The following RPTOR variants were observed in gnomAD, a reference collection of about 807,000 sequenced individuals.
The protein encoded by RPTOR is regulatory-associated protein of mTOR.
Under a neutral mutation model 169.9 loss-of-function variants are expected in RPTOR, and 21 were observed. That is an observed-to-expected ratio of 0.12 (90% CI 0.09 to 0.18). The LOEUF (loss-of-function observed/expected upper bound fraction) is 0.18. Ranked by LOEUF, RPTOR falls within the 10% of genes least tolerant of loss-of-function variation. The pLI, the probability that RPTOR is intolerant of heterozygous loss-of-function variation, is 1.00. For missense variants in RPTOR, 1,133 were observed against 1,855.9 expected (o/e 0.61, Z 7.16); for synonymous variants, 732 against 753.2 (o/e 0.97, Z 0.46).
intron 1 of RPTOR, among the ~76,000 whole-genome samples, chr17:80,554,945 G>T (rs1321596342): frequency 6.6e-6 from 1 of 152,090 alleles, no homozygotes; most frequent in Non-Finnish European, 1.5e-5. Context: ...TAATAAGTTT[G>T]ATTTTTAAGT....
At chr17:80,916,747 C>T (rs1011890346) in intron 21 of RPTOR, among the ~76,000 whole-genome samples, 2 of 152,212 alleles carry the variant, frequency 1.3e-5, no homozygotes, top group Admixed American at 1.3e-4. Context: ...CACCTGTAAT[C>T]CCAGCACTTT....
chr17:80,846,185 T>TC (rs1598349750), intron 10 of RPTOR, among the ~76,000 whole-genome samples: 1 of 152,176 alleles, frequency 6.6e-6, no homozygotes, highest in East Asian at 1.9e-4. Context: ...CACAGCTGGT[T>TC]CCCAGCACGC....
intron 3 of RPTOR, among the ~76,000 whole-genome samples, chr17:80,694,528 T>G (rs369826792): frequency 6.6e-6 from 1 of 152,210 alleles, no homozygotes; most frequent in Non-Finnish European, 1.5e-5. Context: ...ATGTGTTGGT[T>G]CTGGTGACCA....
chr17:80,709,176 G>A (rs550577624), intron 4 of RPTOR: 6 of 703,458 alleles, frequency 8.5e-6, no homozygotes, highest in Non-Finnish European at 8.7e-6. Context: ...TGTGTATCTG[G>A]ATACCAGCTT....
intron 13 of RPTOR, among the ~76,000 whole-genome samples, chr17:80,859,084 G>A (rs971539589): frequency 5.3e-5 from 8 of 152,214 alleles, no homozygotes; most frequent in Non-Finnish European, 5.9e-5. Flanking sequence ...GACTCGGGCT[G>A]AAGCCTGTGT....
chr17:80,770,344 G>T (rs929551319), intron 6 of RPTOR, among the ~76,000 whole-genome samples: 2 of 152,202 alleles, frequency 1.3e-5, no homozygotes, highest in South Asian at 2.1e-4. Context: ...TAGGAGGGAC[G>T]TGCCTTCTCA....
In RPTOR at chr17:80,609,771, GGT is replaced by G. The variant is rs1010632864; in HGVS notation, c.163-15919_163-15918del. 2.3e-5 allele frequency among the ~76,000 whole-genome samples: 3 copies of G among 130,416 alleles called. No individual in the cohort carries two copies. Among genetic ancestry groups the G allele is most frequent in the African/African-American group, 9.2e-5 (3 of 32,752 alleles). 85.6% of individuals were successfully genotyped at this position (130,416 alleles called of 152,430 possible). On this transcript the variant is annotated intron_variant, in intron 1 of 33. Transcript: ENST00000306801. The surrounding 1 kb of genome is among the most constrained non-coding windows in gnomAD (Gnocchi z 4.8). ...AAAAAAAAAAAAAGTTTAAGGTGTT[GGT>G]TGTGTGTGTGTGTGTGTGTGTGTGT...
intron 5 of RPTOR, among the ~76,000 whole-genome samples, chr17:80,733,788 C>G (rs758374531): frequency 6.6e-6 from 1 of 152,258 alleles, no homozygotes; most frequent in Non-Finnish European, 1.5e-5. Context: ...GCGTCACTCA[C>G]GACGCCTTCT....
At chr17:80,634,387 G>GTGCGTGTGCGTACTA (rs1455920245) in intron 2 of RPTOR, among the ~76,000 whole-genome samples, 2 of 123,790 alleles carry the variant, frequency 1.6e-5, no homozygotes, top group African/African-American at 6.3e-5. Flanking sequence ...TGTGCATACT[G>GTGCGTGTGCGTACTA]TGTGCGTGTG....
At position 80,827,489 on chromosome 17, in the gene RPTOR, G is replaced by A. The variant is rs894429018; in HGVS notation, c.1136+4266G>A. Among the ~76,000 whole-genome samples the A allele has an allele frequency of 2.0e-5, 3 of 152,240 alleles. No individual in the cohort carries two copies. The South Asian group carries it at 6.2e-4, about 31-fold the overall frequency. On this transcript the variant is annotated intron_variant, in intron 9 of 33. Transcript: ENST00000306801. ...CTCCCACCACTCAGAGCCAGCGCAG[G>A]AGCCGGGTGCTGCATCCTCACCTAG...
chr17:80,846,083 C>T (rs2067726386), intron 10 of RPTOR, among the ~76,000 whole-genome samples: 1 of 152,256 alleles, frequency 6.6e-6, no homozygotes, highest in African/African-American at 2.4e-5. Flanking sequence ...TGTCCCCAGC[C>T]AGACTTGCCT....
intron 20 of RPTOR, among the ~76,000 whole-genome samples, chr17:80,904,136 G>A (rs776802631): frequency 1.4e-4 from 21 of 152,324 alleles, no homozygotes; most frequent in African/African-American, 2.9e-4. Context: ...GGCTCCGGCC[G>A]GCCCAGGAGG....
chr17:80,905,610 A>G (rs2068531663), intron 20 of RPTOR, among the ~76,000 whole-genome samples: 1 of 151,770 alleles, frequency 6.6e-6, no homozygotes, highest in Non-Finnish European at 1.5e-5. Context: ...AAAAAAAAAA[A>G]AAGTTAGATG....
chr17:80,752,975 C>T (rs961226701), intron 5 of RPTOR, among the ~76,000 whole-genome samples: 10 of 121,912 alleles, frequency 8.2e-5, no homozygotes, highest in African/African-American at 1.3e-4. Context: ...GATACTTTTA[C>T]GTGACAAGTC....
At position 80,710,429 on chromosome 17, in the gene RPTOR, T is replaced by C. The variant is rs1461918521; in HGVS notation, c.507+2430T>C. 2.6e-5 allele frequency among the ~76,000 whole-genome samples: 4 copies of C among 152,194 alleles called. No individual in the cohort carries two copies. The East Asian group carries it at 7.7e-4, about 29-fold the overall frequency. On this transcript the variant is annotated intron_variant, in intron 4 of 33. Coordinates refer to ENST00000306801, the MANE Select transcript of RPTOR (RefSeq NM_020761.3). ...CTTGTCCTCGCAGAGGGAGAGTTTC[T>C]GTGTTCAGTGTATGATGTTTGCCCC...
At position 80,803,942 on chromosome 17, in the gene RPTOR, C is replaced by G. The variant is rs2067190183; in HGVS notation, c.890+12433C>G. ...GCAGCGTTCCAGACGGGGAGCCCCA[C>G]AGCCTCTGAGCCAGGCACGAGCTTG... On this transcript the variant is annotated intron_variant, in intron 7 of 33. Transcript: ENST00000306801. This position sits in a 1 kb window ranked among gnomAD's most constrained non-coding sequence, Gnocchi z 6.2. 6.6e-6 allele frequency among the ~76,000 whole-genome samples: 1 copy of G among 152,216 alleles called. No individual in the cohort carries two copies. The highest frequency in any genetic ancestry group is 2.4e-5 in the African/African-American group (1 of 41,446).
chr17:80,894,896 G>T (rs908663020), intron 20 of RPTOR, among the ~76,000 whole-genome samples: 1 of 152,222 alleles, frequency 6.6e-6, no homozygotes, highest in Non-Finnish European at 1.5e-5. Context: ...GCACACACGT[G>T]GTGCCCACTT....
intron 7 of RPTOR, among the ~76,000 whole-genome samples, chr17:80,813,965 C>T (rs2067298653): frequency 6.6e-6 from 1 of 152,134 alleles, no homozygotes; most frequent in Non-Finnish European, 1.5e-5. Flanking sequence ...AAAACCCCAT[C>T]TCTACCAAAA....
intron 4 of RPTOR, among the ~76,000 whole-genome samples, chr17:80,716,787 G>A (rs2066242714): frequency 6.6e-6 from 1 of 152,148 alleles, no homozygotes; most frequent in Non-Finnish European, 1.5e-5. Flanking sequence ...TCCTACGTGT[G>A]ACTTGCCAGT....
Sources: gnomAD v4.1 joint callset for allele counts (sites outside exome capture counted in the v4.1 genomes callset) on GRCh38, gnomAD v4.1.1 for gene constraint, Gnocchi (gnomAD v3.1) non-coding constraint, MANE v1.5 for transcripts, NCBI Gene and HGNC (gene_info 2026-07-23, HGNC 2026-07-21) for gene names.